MAPK8IP3: variants seen among roughly 807,000 people sequenced by gnomAD.
MAPK8IP3 encodes the protein C-Jun-amino-terminal kinase-interacting protein 3.
In MAPK8IP3, 49 loss-of-function variants were observed where a neutral mutation model predicts 157.8. That is an observed-to-expected ratio of 0.31 (90% CI 0.25 to 0.39). The LOEUF is 0.39. Among genes scored for constraint, MAPK8IP3 ranks in the 10% least tolerant of loss-of-function variants. The pLI is 1.00. For missense variants in MAPK8IP3, 1,478 were observed against 1,889.4 expected, an observed-to-expected ratio of 0.78 and a Z score of 4.04; for synonymous variants, 897 against 777.7, an observed-to-expected ratio of 1.15 and a Z score of -2.55.
In MAPK8IP3 at chr16:1,706,504, C is replaced by T. The variant is rs2037394079; in HGVS notation, c.165C>T (p.Leu55=). 2.5e-6 allele frequency: 4 copies of T among 1,614,104 alleles called. No homozygotes were observed. The highest frequency in any genetic ancestry group is 1.6e-4 in the Middle Eastern group (1 of 6,062). ...HCYDEEVVKE[L]MPLVVNVLEN... Reference sequence around the variant, plus strand: ...ACGACGAGGAGGTGGTCAAGGAGCTCATGCCGCTGGTGGTGAACGTGCTGG... The same window carrying T: ...ACGACGAGGAGGTGGTCAAGGAGCTTATGCCGCTGGTGGTGAACGTGCTGG... Residue 55 remains leucine, a synonymous_variant, in exon 1 of 32, where the codon CTC becomes CTT. Transcript: ENST00000610761. The surrounding 1 kb of genome is among the most constrained non-coding windows in gnomAD (Gnocchi z 5.1).
intron 1 of MAPK8IP3, among the ~76,000 whole-genome samples, chr16:1,711,217 G>A (rs555304187): frequency 4.8e-4 from 73 of 152,358 alleles, no homozygotes; most frequent in African/African-American, 1.7e-3. Flanking sequence ...AAGTGCAGGC[G>A]TCTTCCCACG....
rs777970975 is a variant in MAPK8IP3, at chr16:1,706,585, G to A, written c.246G>A (p.Leu82=). ...ENQEHEVELE[L]LREDNEQLLT... ...AGGAGCACGAGGTGGAGCTGGAGCT[G>A]CTGCGCGAGGACAACGAGCAGCTGC... Residue 82 remains leucine, a synonymous_variant, in exon 1 of 32, where the codon CTG becomes CTA. Coordinates refer to ENST00000610761, the MANE Select transcript of MAPK8IP3 (RefSeq NM_001318852.2). The surrounding 1 kb of genome is among the most constrained non-coding windows in gnomAD (Gnocchi z 5.1). 2 of 1,609,572 alleles carry A rather than the reference G, an allele frequency of 1.2e-6. No homozygotes were observed. The highest frequency in any genetic ancestry group is 1.3e-5 in the African/African-American group (1 of 74,806).
At chr16:1,737,409 C>T (rs1347202471) in intron 4 of MAPK8IP3, among the ~76,000 whole-genome samples, 27 of 81,050 alleles carry the variant, frequency 3.3e-4, no homozygotes, top group East Asian at 9.8e-4. Context: ...TCTGTGTGAC[C>T]GTCCGTGTGA....
Position 1,762,843 on chromosome 16 carries a change from C to G in MAPK8IP3, c.1735C>G (p.Arg579Gly). 4 of 1,612,150 alleles carry G rather than the reference C, an allele frequency of 2.5e-6. No homozygotes were observed. The highest frequency in any genetic ancestry group is 3.4e-6 in the Non-Finnish European group (4 of 1,179,096). Residue 579 changes from arginine (R) to glycine (G), a missense_variant, in exon 16 of 32, where the codon CGC (arginine) becomes GGC (glycine). By Grantham distance (125) the Arg-to-Gly change is moderately radical. Around this residue, in one of 11 missense-constraint regions of MAPK8IP3, gnomAD observed 669 missense variants for 759.8 expected, o/e 0.88. Transcript: ENST00000610761. ...TCCCTGTGCCTCTGGCAGCTTCAGC[C>G]GCCTCTTCAGCTCTTCCTCCAGCCC... ...KKSTIWQFFS[R>G]LFSSSSSPPP... is the part of the protein sequence containing the mutation.
At position 1,730,226 on chromosome 16, in the gene MAPK8IP3, A is replaced by G. The variant is rs556026120; in HGVS notation, c.602+648A>G. Among the ~76,000 whole-genome samples the G allele has an allele frequency of 1.1e-3, 164 of 151,986 alleles. 3 individuals carry two copies. Among genetic ancestry groups the G allele is most frequent in the Admixed American group, 3.3e-4 (5 of 15,232 alleles). On this transcript the variant is annotated intron_variant, in intron 4 of 31. Transcript: ENST00000610761. The stretch of plus-strand genomic sequence containing the variant: ...CAGTGATCTACAGTCGCGCCCCTGC[A>G]CTCCCACCTGGGCAGCAGAGTGAGC...
intron 4 of MAPK8IP3, among the ~76,000 whole-genome samples, chr16:1,739,109 T>C (rs1419122812): frequency 5.7e-3 from 480 of 84,768 alleles, no homozygotes; most frequent in Middle Eastern, 0.029. Context: ...TGTGACCGTC[T>C]GTGTGAGCAT....
In MAPK8IP3 at chr16:1,767,653, C is replaced by T. The variant is rs777726573; in HGVS notation, c.3327C>T (p.Asp1109=). 8.3e-5 allele frequency: 134 copies of T among 1,612,628 alleles called. 1 individual carries two copies. In the Middle Eastern group the frequency reaches 2.0e-3, roughly 24 times the overall value. Residue 1109 remains aspartate, a synonymous_variant, in exon 27 of 32, where the codon GAC becomes GAT. Transcript: ENST00000610761. The part of the protein sequence containing the change: ...GDGVWVSIRL[D]STLRLYHAHT... ...GCGTATGGGTGTCCATCCGCCTGGA[C>T]TCCACCCTGAGGCTCTACCATGCAC...
chr16:1,720,809 C>T (rs111359609), intron 1 of MAPK8IP3, among the ~76,000 whole-genome samples: 3,425 of 151,442 alleles, frequency 0.023, 150 homozygotes, highest in African/African-American at 0.078. Flanking sequence ...CAGAAGCAGG[C>T]GGATCACGAG....
chr16:1,738,751 CCGTCCGTGTGAG>C lies in MAPK8IP3; in HGVS notation c.603-4565_603-4554del, dbSNP rs1162542001. ...TGACCACCCATGTGAGCATCTGTGACCGTCCGTGTGAGCGTCCGTGTGAGCGTGTGAGCGTCC... is the reference window on the plus strand; with the variant it reads ...TGACCACCCATGTGAGCATCTGTGACCGTCCGTGTGAGCGTGTGAGCGTCC... On this transcript the variant is annotated intron_variant, in intron 4 of 31. Transcript: ENST00000610761. 8.2e-3 allele frequency among the ~76,000 whole-genome samples: 814 copies of C among 99,398 alleles called. 23 individuals carry two copies. The highest frequency in any genetic ancestry group is 0.031 in the African/African-American group (722 of 23,640). 65.2% of individuals were successfully genotyped at this position (99,398 alleles called of 152,430 possible). A position where few individuals can be genotyped will look rare whatever the true frequency, so the allele number is the denominator to read the frequency against.
chr16:1,717,511 C>A (rs190837470), intron 1 of MAPK8IP3, among the ~76,000 whole-genome samples: 2 of 152,288 alleles, frequency 1.3e-5, no homozygotes, highest in Admixed American at 1.3e-4. Context: ...CCATAGGTGG[C>A]CTCTCATGTC....
Position 1,769,182 on chromosome 16 carries a change from G to A in MAPK8IP3, c.*358G>A, listed in dbSNP as rs1443722129. 1 of 280,812 alleles carries A rather than the reference G, an allele frequency of 3.6e-6. No homozygotes were observed. The highest frequency in any genetic ancestry group is 6.9e-6 in the Non-Finnish European group (1 of 145,090). 17.4% of individuals were successfully genotyped at this position (280,812 alleles called of 1,614,324 possible). A position where few individuals can be genotyped will look rare whatever the true frequency, so the allele number is the denominator to read the frequency against. ...GGCCTCCTACTCCCCAGCACCCCTG[G>A]AGGAGGCAGGGGCTCCCCGCCGCCG... On this transcript the variant is annotated 3_prime_UTR_variant, in exon 32 of 32. Transcript: ENST00000610761.
At chr16:1,729,046 C>G in intron 2 of MAPK8IP3, 92 bp from the exon 3 acceptor site, 1 of 1,275,080 alleles carries the variant, frequency 7.8e-7, no homozygotes, top group Non-Finnish European at 1.1e-6. Context: ...CCAGCCTTGT[C>G]CTGGAACCCC....
intron 4 of MAPK8IP3, among the ~76,000 whole-genome samples, chr16:1,740,230 G>A (rs542014983): frequency 4.5e-4 from 66 of 146,146 alleles, no homozygotes; most frequent in Middle Eastern, 3.6e-3. Context: ...GTGACCGTCC[G>A]TGTGAGCATC....
At chr16:1,744,065 A>G (rs906024585) in intron 5 of MAPK8IP3, 3 of 988,072 alleles carry the variant, frequency 3.0e-6, no homozygotes, top group African/African-American at 1.7e-5. Context: ...GGGCCCCAGC[A>G]GGTTCTCACA....
In MAPK8IP3 at chr16:1,718,650, C is replaced by A. The variant is rs76432281; in HGVS notation, c.319-5907C>A. Among the ~76,000 whole-genome samples, 1,173 of 151,676 alleles carry A rather than the reference C, an allele frequency of 7.7e-3. 43 individuals are homozygous for A. The East Asian group carries it at 0.11, about 15-fold the overall frequency. ...CTCTACTAAGAATACAAAAATTAGC[C>A]GGGCATGGTGGTGGGCACCTGTAAT... On this transcript the variant is annotated intron_variant, in intron 1 of 31. Transcript: ENST00000610761.
intron 1 of MAPK8IP3, among the ~76,000 whole-genome samples, chr16:1,718,602 T>G (rs2038311870): frequency 6.7e-6 from 1 of 148,808 alleles, no homozygotes; most frequent in African/African-American, 2.5e-5. Context: ...AAGAGCAGCC[T>G]GGCCAACATG....
intron 1 of MAPK8IP3, among the ~76,000 whole-genome samples, chr16:1,719,023 T>G (rs765801330): frequency 2.0e-5 from 3 of 152,162 alleles, no homozygotes; most frequent in Non-Finnish European, 4.4e-5. Flanking sequence ...TAGTGAGCCT[T>G]GGTCATGCTG....
rs9788829 is a variant in MAPK8IP3, at chr16:1,757,722, G to A, written c.1217-426G>A. On this transcript the variant is annotated intron_variant, in intron 8 of 31. Transcript: ENST00000610761. The stretch of plus-strand genomic sequence containing the variant: ...CCTAGGAGTCCAGCTCCAGGCCTGC[G>A]TCTGCGGTGTCTCCCTCGCCGCTCT... Among the ~76,000 whole-genome samples, 11 of 152,196 alleles carry A rather than the reference G, an allele frequency of 7.2e-5. No individual in the cohort carries two copies. In the East Asian group the frequency reaches 7.7e-4, roughly 11 times the overall value.
intron 8 of MAPK8IP3, among the ~76,000 whole-genome samples, chr16:1,750,100 A>ATG (rs1432966850): frequency 2.0e-5 from 3 of 152,222 alleles, no homozygotes; most frequent in African/African-American, 7.2e-5. Flanking sequence ...AAAAATATAT[A>ATG]TAAAAAATCC....
Sources: allele counts gnomAD v4.1 joint callset (sites outside exome capture counted in the v4.1 genomes callset), GRCh38; gene constraint gnomAD v4.1.1; regional missense constraint gnomAD v4.1.1; non-coding constraint Gnocchi (gnomAD v3.1); transcripts MANE v1.5; gene names NCBI Gene and HGNC (gene_info 2026-07-23, HGNC 2026-07-21).